The following DGKI variants were observed in gnomAD, a reference collection of about 807,000 sequenced individuals.
DGKI encodes DAG kinase iota.
A neutral mutation model predicts 147.5 loss-of-function variants in DGKI; 55 were observed. The ratio of observed to expected loss-of-function variants is 0.37; its 90% CI spans 0.30 to 0.47. The LOEUF (loss-of-function observed/expected upper bound fraction) is 0.47, where lower values mean the gene tolerates loss of function less well. Among genes scored for constraint, DGKI ranks in the 20% least tolerant of loss-of-function variants. The pLI is 1.00. For synonymous variants in DGKI, 469 were observed against 477.1 expected (o/e 0.98, Z 0.22); for missense variants, 1,007 against 1,323.8 (o/e 0.76, Z 3.71).
intron 1 of DGKI, among the ~76,000 whole-genome samples, chr7:137,844,005 G>T (rs1365011920): frequency 6.6e-6 from 1 of 151,908 alleles, no homozygotes; most frequent in Non-Finnish European, 1.5e-5. Context: ...CTCTCCATAA[G>T]CTCCCACCAG....
intron 26 of DGKI, among the ~76,000 whole-genome samples, chr7:137,465,067 T>C (rs1279427482): frequency 1.3e-5 from 2 of 152,220 alleles, no homozygotes; most frequent in African/African-American, 4.8e-5. Context: ...ACTAATTATG[T>C]TTTGGTGGTA....
In DGKI at chr7:137,811,364, CCTCT is replaced by C. The variant is rs879359264; in HGVS notation, c.401+35094_401+35097del. ...CTCTCTTTCTCTCTCTCTCTCTCTC[CCTCT>C]CTCTCTCTCTCTCTCTCACACACAC... On this transcript the variant is annotated intron_variant, in intron 1 of 32. Transcript: ENST00000614521. Among the ~76,000 whole-genome samples the C allele has an allele frequency of 4.7e-3, 648 of 137,806 alleles. 2 individuals carry two copies. The highest frequency in any genetic ancestry group is 8.4e-3 in the Admixed American group (114 of 13,556). The allele number at this position is 137,806 out of a possible 152,430, so 90.4% of individuals were successfully genotyped here. A position where few individuals can be genotyped will look rare whatever the true frequency, so the allele number is the denominator to read the frequency against.
chr7:137,522,386 G>A (rs1423630600), intron 20 of DGKI, among the ~76,000 whole-genome samples: 1 of 151,980 alleles, frequency 6.6e-6, no homozygotes, highest in Non-Finnish European at 1.5e-5. Flanking sequence ...GACCCTCAGA[G>A]AGATGGAAAA....
chr7:137,846,508 C>G lies in DGKI; in HGVS notation c.355G>C (p.Glu119Gln). The G allele has an allele frequency of 6.3e-7, 1 of 1,588,040 alleles. No individual in the cohort carries two copies. The highest frequency in any genetic ancestry group is 8.5e-7 in the Non-Finnish European group (1 of 1,170,248). Residue 119 changes from glutamate (E) to glutamine (Q), a missense_variant, in exon 1 of 33, where the codon GAG becomes CAG. Physicochemically the swap from Glu to Gln is conservative, Grantham distance 29. Coordinates refer to ENST00000614521, the MANE Select transcript of DGKI (RefSeq NM_001321708.2). This position sits in a 1 kb window ranked among gnomAD's most constrained non-coding sequence, Gnocchi z 4.0. ...AGQKEKDEAL[E>Q]EKLRNLTFRK... is the part of the protein sequence containing the mutation. ...AAAGTTAAGTTCCTCAGCTTCTCCT[C>G]CAGCGCTTCGTCCTTCTCCTTCTGG...
chr7:137,657,241 C>T (rs965582919), intron 3 of DGKI, among the ~76,000 whole-genome samples: 8 of 152,192 alleles, frequency 5.3e-5, no homozygotes, highest in African/African-American at 1.9e-4. Context: ...ACCCTCACAA[C>T]CCTATGAAAC....
intron 6 of DGKI, among the ~76,000 whole-genome samples, chr7:137,625,151 A>G (rs546481410): frequency 4.6e-5 from 7 of 152,316 alleles, no homozygotes; most frequent in African/African-American, 1.7e-4. Context: ...AACATAGCAA[A>G]TCAGACTCCT....
rs1811059426 is a variant in DGKI, at chr7:137,381,474, G to C, written c.*9746C>G. On this transcript the variant is annotated 3_prime_UTR_variant, in exon 33 of 33. Transcript: ENST00000614521. The stretch of plus-strand genomic sequence containing the variant: ...GGGCAGAATCAGAAATCATGAAAAA[G>C]CCCTTTATAATGTGACTGCAACTCT... 6.6e-6 allele frequency: 1 copy of C among 151,622 alleles called. No homozygotes were observed. The highest frequency in any genetic ancestry group is 2.1e-4 in the South Asian group (1 of 4,788). 9.4% of individuals were successfully genotyped at this position (151,622 alleles called of 1,614,324 possible). A position where few individuals can be genotyped will look rare whatever the true frequency, so the allele number is the denominator to read the frequency against.
At chr7:137,571,706 C>T (rs1170919715) in intron 18 of DGKI, among the ~76,000 whole-genome samples, 1 of 151,680 alleles carries the variant, frequency 6.6e-6, no homozygotes, top group Non-Finnish European at 1.5e-5. Flanking sequence ...ATAAGAGGTA[C>T]TCACAGGAGA....
At chr7:137,510,532 T>C (rs1816545557) in intron 21 of DGKI, among the ~76,000 whole-genome samples, 1 of 152,252 alleles carries the variant, frequency 6.6e-6, no homozygotes, top group South Asian at 2.1e-4. Context: ...ATGGCCAGGC[T>C]AGCCAGATAC....
intron 27 of DGKI, among the ~76,000 whole-genome samples, chr7:137,460,112 T>TC (rs1309382292): frequency 6.6e-6 from 1 of 152,084 alleles, no homozygotes; most frequent in Non-Finnish European, 1.5e-5. Flanking sequence ...ACCTTTCCTA[T>TC]CCCCCAAGTT....
chr7:137,526,181 T>C (rs1050322167), intron 20 of DGKI, among the ~76,000 whole-genome samples: 5 of 152,102 alleles, frequency 3.3e-5, no homozygotes, highest in African/African-American at 1.2e-4. Flanking sequence ...TTAAATTTTG[T>C]CTGGGAAGTT....
chr7:137,714,930 C>G (rs1396172592), intron 1 of DGKI, among the ~76,000 whole-genome samples: 1 of 152,170 alleles, frequency 6.6e-6, no homozygotes, highest in Non-Finnish European at 1.5e-5. Context: ...AAGTATGAAT[C>G]CTTCCACCTG....
chr7:137,820,748 A>G (rs895850990), intron 1 of DGKI, among the ~76,000 whole-genome samples: 3 of 152,072 alleles, frequency 2.0e-5, no homozygotes, highest in African/African-American at 4.8e-5. Flanking sequence ...GCTTGCAAGT[A>G]AAGCCAGCCA....
At chr7:137,651,274 C>G (rs1453009123) in intron 5 of DGKI, among the ~76,000 whole-genome samples, 1 of 152,126 alleles carries the variant, frequency 6.6e-6, no homozygotes, top group African/African-American at 2.4e-5. Flanking sequence ...GGAGAGGTCA[C>G]AGTGTCTTAG....
At chr7:137,602,908 G>C (rs965183582) in intron 10 of DGKI, among the ~76,000 whole-genome samples, 3 of 151,204 alleles carry the variant, frequency 2.0e-5, no homozygotes, top group Non-Finnish European at 2.9e-5. Flanking sequence ...AAAAAAAACA[G>C]CTTATATGCC....
At chr7:137,526,452 T>C (rs1363970110) in intron 20 of DGKI, among the ~76,000 whole-genome samples, 1 of 151,488 alleles carries the variant, frequency 6.6e-6, no homozygotes, top group Non-Finnish European at 1.5e-5. Context: ...AACACTGTGA[T>C]TGAGATCCTT....
intron 19 of DGKI, among the ~76,000 whole-genome samples, chr7:137,556,251 T>C (rs1818219470): frequency 6.6e-6 from 1 of 151,310 alleles, no homozygotes; most frequent in Non-Finnish European, 1.5e-5. Flanking sequence ...CCAAGATACC[T>C]AGAAAAAAAT....
At chr7:137,764,522 C>G (rs1795950665) in intron 1 of DGKI, among the ~76,000 whole-genome samples, 1 of 152,120 alleles carries the variant, frequency 6.6e-6, no homozygotes. Context: ...TTCTCTTGTG[C>G]TGGTCCACAA....
At chr7:137,534,064 T>C (rs1301026323) in intron 20 of DGKI, among the ~76,000 whole-genome samples, 1 of 152,128 alleles carries the variant, frequency 6.6e-6, no homozygotes, top group African/African-American at 2.4e-5. Flanking sequence ...GTGGAATTGG[T>C]ATAATTAAAT....
Sources: gnomAD v4.1 joint callset for allele counts (sites outside exome capture counted in the v4.1 genomes callset) on GRCh38, gnomAD v4.1.1 for gene constraint, Gnocchi (gnomAD v3.1) non-coding constraint, MANE v1.5 for transcripts, NCBI Gene and HGNC (gene_info 2026-07-23, HGNC 2026-07-21) for gene names.